GLRA3: variants seen among roughly 807,000 people sequenced by gnomAD.
GLRA3 encodes the protein glycine receptor subunit alpha-3.
In GLRA3, 44 loss-of-function variants were observed where a neutral mutation model predicts 60.4. The observed-to-expected ratio is 0.73, with a 90% CI of 0.57 to 0.94. The LOEUF is 0.94. GLRA3 is among the 40% of genes least tolerant of loss of function. The probability of loss-of-function intolerance (pLI) is 0.00; values close to 1 mark genes in which losing one functional copy is unlikely to be tolerated. For synonymous variants in GLRA3, 223 were observed against 192.9 expected, an observed-to-expected ratio of 1.16 and a Z score of -1.29; for missense variants, 508 against 564.6, an observed-to-expected ratio of 0.90 and a Z score of 1.02.
intron 3 of GLRA3, among the ~76,000 whole-genome samples, chr4:174,758,084 C>T (rs569457029): frequency 6.6e-6 from 1 of 152,244 alleles, no homozygotes; most frequent in South Asian, 2.1e-4. Flanking sequence ...CCTACTTCTG[C>T]CATGAGTGGA....
At chr4:174,721,580 C>T (rs1328021774) in intron 4 of GLRA3, among the ~76,000 whole-genome samples, 1 of 151,762 alleles carries the variant, frequency 6.6e-6, no homozygotes, top group Non-Finnish European at 1.5e-5. Flanking sequence ...CAGTTAGTAG[C>T]AGATGGCTCA....
At chr4:174,795,518 T>C (rs1156362443) in intron 1 of GLRA3, among the ~76,000 whole-genome samples, 1 of 152,144 alleles carries the variant, frequency 6.6e-6, no homozygotes, top group East Asian at 1.9e-4. Flanking sequence ...AGGAGGAATA[T>C]GTAAGAGGTG....
At chr4:174,711,094 G>C (rs992454054) in intron 5 of GLRA3, among the ~76,000 whole-genome samples, 1 of 151,752 alleles carries the variant, frequency 6.6e-6, no homozygotes, top group Non-Finnish European at 1.5e-5. Flanking sequence ...ATATAATAAT[G>C]TATGGGAATT....
At chr4:174,658,474 G>T (rs1733298036) in intron 8 of GLRA3, among the ~76,000 whole-genome samples, 1 of 152,088 alleles carries the variant, frequency 6.6e-6, no homozygotes, top group Non-Finnish European at 1.5e-5. Flanking sequence ...GATGTTCTAA[G>T]TTTCCTCCTG....
chr4:174,725,505 G>C (rs1472949709), intron 4 of GLRA3, among the ~76,000 whole-genome samples: 5 of 152,150 alleles, frequency 3.3e-5, no homozygotes, highest in African/African-American at 7.2e-5. Flanking sequence ...TTTTGAGACA[G>C]GGACTTGCTT....
In GLRA3 at chr4:174,647,713, CT is replaced by C. The variant is rs1165619997; in HGVS notation, c.1117-3650del. Among the ~76,000 whole-genome samples the C allele has an allele frequency of 2.0e-5, 3 of 152,000 alleles. No individual in the cohort carries two copies. The East Asian group carries it at 5.8e-4, about 29-fold the overall frequency. ...AGTTAAAGGCAACAGGTCAAAATAA[CT>C]TCAGTTTGAAAAAAAAAATAACTCA... On this transcript the variant is annotated intron_variant, in intron 9 of 9. Transcript: ENST00000274093.
chr4:174,812,975 G>A (rs760897769), intron 1 of GLRA3, among the ~76,000 whole-genome samples: 29 of 152,028 alleles, frequency 1.9e-4, no homozygotes, highest in Non-Finnish European at 3.4e-4. Context: ...GAGCACACGC[G>A]TTCCTTTAAT....
At chr4:174,768,713 A>T (rs900110757) in intron 2 of GLRA3, among the ~76,000 whole-genome samples, 1 of 152,138 alleles carries the variant, frequency 6.6e-6, no homozygotes, top group African/African-American at 2.4e-5. Context: ...TAGGGAATTA[A>T]AGCACAGTGA....
At chr4:174,792,431 A>C (rs1216447674) in intron 1 of GLRA3, among the ~76,000 whole-genome samples, 1 of 152,058 alleles carries the variant, frequency 6.6e-6, no homozygotes, top group Non-Finnish European at 1.5e-5. Flanking sequence ...GTTTTACATC[A>C]ATTACCTCTT....
chr4:174,781,835 C>G (rs1310653768), intron 2 of GLRA3, among the ~76,000 whole-genome samples: 2 of 152,156 alleles, frequency 1.3e-5, no homozygotes, highest in East Asian at 3.9e-4. Flanking sequence ...AGCTTACCAA[C>G]CAAAAAGAGT....
At chr4:174,805,012 C>T (rs1453532438) in intron 1 of GLRA3, among the ~76,000 whole-genome samples, 3 of 152,172 alleles carry the variant, frequency 2.0e-5, no homozygotes, top group African/African-American at 7.2e-5. Context: ...TACCTGGCTT[C>T]CAGATAGCCT....
intron 1 of GLRA3, among the ~76,000 whole-genome samples, chr4:174,795,868 G>A (rs1158305771): frequency 6.6e-6 from 1 of 152,016 alleles, no homozygotes; most frequent in Admixed American, 6.6e-5. Flanking sequence ...ATGATCCGTT[G>A]GTTCCCTTCT....
intron 6 of GLRA3, among the ~76,000 whole-genome samples, chr4:174,679,166 C>T (rs1734241787): frequency 6.6e-6 from 1 of 151,980 alleles, no homozygotes; most frequent in Admixed American, 6.6e-5. Context: ...CCCGTCTCTA[C>T]TAAAAATACA....
At chr4:174,697,970 A>AC (rs1735128606) in intron 5 of GLRA3, among the ~76,000 whole-genome samples, 1 of 152,202 alleles carries the variant, frequency 6.6e-6, no homozygotes, top group South Asian at 2.1e-4. Flanking sequence ...TTTGGAATAA[A>AC]CTTCAGGTTG....
intron 3 of GLRA3, among the ~76,000 whole-genome samples, chr4:174,762,275 T>C (rs775517792): frequency 6.6e-6 from 1 of 152,164 alleles, no homozygotes; most frequent in African/African-American, 2.4e-5. Flanking sequence ...CTTTCTTGCT[T>C]CTGTCATAGT....
chr4:174,696,629 T>G (rs1194628129), intron 5 of GLRA3, among the ~76,000 whole-genome samples: 1 of 151,758 alleles, frequency 6.6e-6, no homozygotes, highest in Non-Finnish European at 1.5e-5. Flanking sequence ...AAATACAAAT[T>G]TATATCCATG....
At chr4:174,765,352 T>G (rs1478796432) in intron 3 of GLRA3, among the ~76,000 whole-genome samples, 1 of 152,090 alleles carries the variant, frequency 6.6e-6, no homozygotes, top group East Asian at 1.9e-4. Flanking sequence ...CCTCTCTTTT[T>G]TCCAAGTCCC....
chr4:174,697,605 A>C (rs1735110602), intron 5 of GLRA3, among the ~76,000 whole-genome samples: 1 of 152,202 alleles, frequency 6.6e-6, no homozygotes, highest in South Asian at 2.1e-4. Flanking sequence ...TAGCAATTAC[A>C]TTTTCTCTAA....
At chr4:174,711,127 ATAT>A (rs1355096278) in intron 5 of GLRA3, among the ~76,000 whole-genome samples, 3 of 151,962 alleles carry the variant, frequency 2.0e-5, no homozygotes, top group African/African-American at 7.2e-5. Context: ...CAGTAATTCT[ATAT>A]TGTTATTGGT....
Sources: gnomAD v4.1 joint callset for allele counts (sites outside exome capture counted in the v4.1 genomes callset) on GRCh38, gnomAD v4.1.1 for gene constraint, MANE v1.5 for transcripts, NCBI Gene and HGNC (gene_info 2026-07-23, HGNC 2026-07-21) for gene names.